Variants in SCUBE1 observed in about 807,000 individuals in gnomAD.
SCUBE1 encodes the protein signal peptide, CUB and EGF-like domain-containing protein 1.
A neutral mutation model predicts 124.4 loss-of-function variants in SCUBE1; 59 were observed. The observed-to-expected ratio is 0.47, with a 90% CI of 0.38 to 0.59. The LOEUF (loss-of-function observed/expected upper bound fraction) is 0.59. Among genes scored for constraint, SCUBE1 ranks in the 20% least tolerant of loss-of-function variants. The pLI, the probability that SCUBE1 is intolerant of heterozygous loss-of-function variation, is 0.00. For missense variants in SCUBE1, 1,150 were observed against 1,371.2 expected, an observed-to-expected ratio of 0.84 and a Z score of 2.55; for synonymous variants, 545 against 550.9, an observed-to-expected ratio of 0.99 and a Z score of 0.15.
chr22:43,205,497 C>A (rs1246000878), intron 21 of SCUBE1, among the ~76,000 whole-genome samples: 1 of 151,866 alleles, frequency 6.6e-6, no homozygotes, highest in Non-Finnish European at 1.5e-5. Flanking sequence ...AGCTCCTCGC[C>A]CTGTTGACTG....
chr22:43,339,942 TC>T (rs1475832933), intron 1 of SCUBE1, among the ~76,000 whole-genome samples: 7 of 6,612 alleles, frequency 1.1e-3, no homozygotes, highest in African/African-American at 3.6e-3. Context: ...GCTCCAACCC[TC>T]CCCCCACTCT....
chr22:43,227,888 C>T (rs962273467), intron 9 of SCUBE1, among the ~76,000 whole-genome samples: 4 of 152,154 alleles, frequency 2.6e-5, no homozygotes, highest in African/African-American at 7.2e-5. Flanking sequence ...AGCCCCGGGT[C>T]CCCTGTGGTA....
intron 6 of SCUBE1, among the ~76,000 whole-genome samples, chr22:43,245,170 G>T (rs1291380872): frequency 6.6e-6 from 1 of 152,254 alleles, no homozygotes; most frequent in Non-Finnish European, 1.5e-5. Context: ...GAGGCCCTGT[G>T]GCCCGTCACT....
At chr22:43,205,697 A>C (rs967947872) in intron 21 of SCUBE1, among the ~76,000 whole-genome samples, 6 of 31,754 alleles carry the variant, frequency 1.9e-4, no homozygotes, top group Admixed American at 4.3e-4. Flanking sequence ...ACCCCCACAC[A>C]CACCACCCAC....
chr22:43,339,262 A>G (rs1170159933), intron 1 of SCUBE1, 27 bp from the exon 2 acceptor site: 1 of 1,609,570 alleles, frequency 6.2e-7, no homozygotes, highest in South Asian at 1.1e-5. Flanking sequence ...GGGGGGAATA[A>G]GAGGTAAGGT....
At chr22:43,230,087 C>A (rs1922491458) in intron 8 of SCUBE1, among the ~76,000 whole-genome samples, 1 of 152,200 alleles carries the variant, frequency 6.6e-6, no homozygotes, top group African/African-American at 2.4e-5. Context: ...TGTGCTCCCT[C>A]CCAGGGAGGA....
intron 3 of SCUBE1, among the ~76,000 whole-genome samples, chr22:43,301,988 C>T (rs928272696): frequency 6.6e-6 from 1 of 152,212 alleles, no homozygotes; most frequent in Non-Finnish European, 1.5e-5. Context: ...AGCCCCAGGA[C>T]CTGCTCAAGG....
intron 13 of SCUBE1, 36 bp downstream of exon 13, chr22:43,221,137 C>T (rs372482057): frequency 1.7e-4 from 257 of 1,536,190 alleles, no homozygotes; most frequent in Non-Finnish European, 2.0e-4. Flanking sequence ...CCTACAGCCC[C>T]GTTGGTGTGG....
intron 4 of SCUBE1, among the ~76,000 whole-genome samples, chr22:43,288,584 G>A (rs1007783073): frequency 3.9e-5 from 6 of 152,076 alleles, no homozygotes; most frequent in African/African-American, 7.2e-5. Flanking sequence ...CTTTGCACGC[G>A]CCCAGCCTGG....
chr22:43,320,002 G>T lies in SCUBE1; in HGVS notation c.284C>A (p.Pro95Gln). Residue 95 changes from proline (P) to glutamine (Q), a missense_variant, in exon 3 of 22, where the codon CCG becomes CAG. Transcript: ENST00000360835. ...GGCVHECINIPGNYRCTCFDG... is the reference protein window; with the variant it reads ...GGCVHECINIQGNYRCTCFDG... ...AAAGCAGGTACACCTGTAGTTCCCCGGGATGTTGATGCACTCGTGGACACA... is the reference window on the plus strand; with the variant it reads ...AAAGCAGGTACACCTGTAGTTCCCCTGGATGTTGATGCACTCGTGGACACA... The T allele has an allele frequency of 6.2e-7, 1 of 1,614,098 alleles. No homozygotes were observed. Among genetic ancestry groups the T allele is most frequent in the Non-Finnish European group, 8.5e-7 (1 of 1,180,014 alleles).
At chr22:43,308,045 CA>C (rs1926037032) in intron 3 of SCUBE1, among the ~76,000 whole-genome samples, 2 of 147,952 alleles carry the variant, frequency 1.4e-5, no homozygotes, top group Admixed American at 1.4e-4. Context: ...TGTCAAAGGC[CA>C]CTCCACCCCG....
At chr22:43,277,090 C>A (rs1168163623) in intron 4 of SCUBE1, among the ~76,000 whole-genome samples, 1 of 151,544 alleles carries the variant, frequency 6.6e-6, no homozygotes, top group Admixed American at 6.6e-5. Flanking sequence ...GAGACAGAGG[C>A]AGGGATGCGT....
chr22:43,209,212 C>T (rs1404910664), intron 19 of SCUBE1, among the ~76,000 whole-genome samples: 1 of 152,180 alleles, frequency 6.6e-6, no homozygotes, highest in Non-Finnish European at 1.5e-5. Context: ...CCCCTCCCCA[C>T]CCCCTCATCT....
intron 6 of SCUBE1, among the ~76,000 whole-genome samples, chr22:43,245,377 TG>T (rs931510275): frequency 5.3e-5 from 8 of 152,076 alleles, no homozygotes; most frequent in Non-Finnish European, 8.8e-5. Flanking sequence ...ACCTGTCTGC[TG>T]GGGGGGTGCC....
At chr22:43,318,660 C>G (rs1926435118) in intron 3 of SCUBE1, among the ~76,000 whole-genome samples, 1 of 152,200 alleles carries the variant, frequency 6.6e-6, no homozygotes, top group South Asian at 2.1e-4. Flanking sequence ...ACTAAGACGC[C>G]TGCCAATTTC....
At chr22:43,209,115 G>C (rs964063602) in intron 19 of SCUBE1, among the ~76,000 whole-genome samples, 1 of 152,212 alleles carries the variant, frequency 6.6e-6, no homozygotes, top group African/African-American at 2.4e-5. Context: ...CAGCCTTGCT[G>C]ACATCCGTCT....
chr22:43,242,272 C>G (rs1318353335), intron 6 of SCUBE1, among the ~76,000 whole-genome samples: 1 of 152,198 alleles, frequency 6.6e-6, no homozygotes, highest in South Asian at 2.1e-4. Flanking sequence ...GCCTGGCCAT[C>G]GCTCCAGCTC....
At chr22:43,320,495 C>T (rs1230800137) in intron 2 of SCUBE1, among the ~76,000 whole-genome samples, 1 of 152,246 alleles carries the variant, frequency 6.6e-6, no homozygotes, top group Non-Finnish European at 1.5e-5. Context: ...AGGCTCCTGT[C>T]TCATAAACAA....
intron 2 of SCUBE1, among the ~76,000 whole-genome samples, chr22:43,330,851 T>C (rs2146795876): frequency 6.6e-6 from 1 of 152,328 alleles, no homozygotes. Context: ...TTCCTGCTGG[T>C]CTGCTTGGAC....
Sources: gnomAD v4.1 joint callset for allele counts (sites outside exome capture counted in the v4.1 genomes callset) on GRCh38, gnomAD v4.1.1 for gene constraint, MANE v1.5 for transcripts, NCBI Gene and HGNC (gene_info 2026-07-23, HGNC 2026-07-21) for gene names.